The following ZFHX3 variants were observed in gnomAD, a reference collection of about 807,000 sequenced individuals.
The protein encoded by ZFHX3 is zinc finger homeobox protein 3.
In ZFHX3, 42 loss-of-function variants were observed where a neutral mutation model predicts 279.1. The ratio of observed to expected loss-of-function variants is 0.15; its 90% CI spans 0.12 to 0.19. The LOEUF (loss-of-function observed/expected upper bound fraction) is 0.19, where lower values mean the gene tolerates loss of function less well. Among genes scored for constraint, ZFHX3 ranks in the 10% least tolerant of loss-of-function variants. The pLI is 1.00. For synonymous variants in ZFHX3, 2,293 were observed against 1,957.8 expected (o/e 1.17, Z -4.52); for missense variants, 4,981 against 4,754.0 (o/e 1.05, Z -1.40).
chr16:72,871,832 T>C (rs1347210269), intron 4 of ZFHX3, among the ~76,000 whole-genome samples: 1 of 151,890 alleles, frequency 6.6e-6, no homozygotes, highest in East Asian at 2.0e-4. Flanking sequence ...ACGCCTGTAA[T>C]CCCAACACTT....
chr16:73,063,182 G>C (rs747376072), upstream of ZFHX3, among the ~76,000 whole-genome samples: 1 of 152,210 alleles, frequency 6.6e-6, no homozygotes, highest in African/African-American at 2.4e-5. Context: ...GCCTCTGCGC[G>C]CGCGGGGAGG....
intron 1 of ZFHX3, among the ~76,000 whole-genome samples, chr16:73,032,067 G>A (rs1473431672): frequency 2.0e-5 from 3 of 152,206 alleles, no homozygotes; most frequent in Admixed American, 6.5e-5. Flanking sequence ...TAGGCTGGGC[G>A]CAGTGGCTCA....
At chr16:73,717,540 A>G (rs1295834134) in intron 1 of ZFHX3, among the ~76,000 whole-genome samples, 2 of 152,108 alleles carry the variant, frequency 1.3e-5, no homozygotes, top group Admixed American at 1.3e-4. Flanking sequence ...AAACTACACT[A>G]AATGCATTTT....
chr16:73,348,693 T>C (rs1163223292), intron 3 of ZFHX3, among the ~76,000 whole-genome samples: 1 of 152,224 alleles, frequency 6.6e-6, no homozygotes, highest in East Asian at 1.9e-4. Flanking sequence ...ACTCACACGT[T>C]CTTTGCACTG....
upstream of ZFHX3, among the ~76,000 whole-genome samples, chr16:73,050,486 T>A (rs1965429787): frequency 6.6e-6 from 1 of 152,240 alleles, no homozygotes; most frequent in African/African-American, 2.4e-5. Context: ...ATGGCCTCTG[T>A]ACATTATGGA....
intron 1 of ZFHX3, among the ~76,000 whole-genome samples, chr16:72,969,915 C>G (rs768631594): frequency 2.6e-5 from 4 of 152,248 alleles, no homozygotes; most frequent in Non-Finnish European, 4.4e-5. Context: ...TCGGAGAACA[C>G]ACAGGTGCTT....
At chr16:73,587,728 T>C (rs77721373) in intron 2 of ZFHX3, among the ~76,000 whole-genome samples, 3,481 of 152,300 alleles carry the variant, frequency 0.023, 81 homozygotes, top group South Asian at 0.036. Flanking sequence ...AGAGTTTGAG[T>C]AATTTATAGT....
At chr16:73,361,567 T>A (rs548221962) in intron 3 of ZFHX3, among the ~76,000 whole-genome samples, 1 of 152,328 alleles carries the variant, frequency 6.6e-6, no homozygotes, top group African/African-American at 2.4e-5. Flanking sequence ...TAATTTTCAA[T>A]TACACAAAAT....
chr16:73,312,055 G>A (rs2015341191), intron 4 of ZFHX3, among the ~76,000 whole-genome samples: 1 of 152,222 alleles, frequency 6.6e-6, no homozygotes, highest in Non-Finnish European at 1.5e-5. Flanking sequence ...GCAGTGGTGT[G>A]TGACGTATTT....
chr16:73,779,140 C>T (rs1337372884), intron 1 of ZFHX3, among the ~76,000 whole-genome samples: 1 of 152,158 alleles, frequency 6.6e-6, no homozygotes, highest in Non-Finnish European at 1.5e-5. Context: ...CAGAAACCAG[C>T]ATATGGCTAT....
intron 2 of ZFHX3, among the ~76,000 whole-genome samples, chr16:73,473,061 C>T (rs1215946664): frequency 6.7e-6 from 1 of 150,312 alleles, no homozygotes; most frequent in East Asian, 2.0e-4. Context: ...ATAAGATGGG[C>T]TGGGCACAGT....
intron 1 of ZFHX3, among the ~76,000 whole-genome samples, chr16:73,698,573 A>T (rs1257031642): frequency 1.3e-5 from 2 of 152,208 alleles, no homozygotes; most frequent in Non-Finnish European, 2.9e-5. Context: ...TCATCATATG[A>T]TAGGCTAAGA....
At chr16:73,347,151 C>T (rs1279267904) in intron 3 of ZFHX3, among the ~76,000 whole-genome samples, 2 of 152,220 alleles carry the variant, frequency 1.3e-5, no homozygotes, top group Non-Finnish European at 2.9e-5. Flanking sequence ...ACTGCAAAGT[C>T]TATGTTTACA....
At chr16:73,316,201 T>C (rs1041126061) in intron 4 of ZFHX3, among the ~76,000 whole-genome samples, 3 of 152,206 alleles carry the variant, frequency 2.0e-5, no homozygotes, top group African/African-American at 7.2e-5. Context: ...TGCATATCTC[T>C]ATCTTGCAGT....
At chr16:73,261,714 T>C (rs1951834250) in intron 4 of ZFHX3, among the ~76,000 whole-genome samples, 1 of 146,606 alleles carries the variant, frequency 6.8e-6, no homozygotes, top group South Asian at 2.3e-4. Context: ...TCACTCTTGT[T>C]GCCCAGGCTG....
chr16:72,902,051 G>A (rs567930102), intron 3 of ZFHX3, among the ~76,000 whole-genome samples: 1 of 152,284 alleles, frequency 6.6e-6, no homozygotes, highest in African/African-American at 2.4e-5. Context: ...TTTAAATAAT[G>A]CAATAATTAT....
At chr16:73,476,628 T>C (rs1424012) in intron 2 of ZFHX3, among the ~76,000 whole-genome samples, 13,741 of 152,256 alleles carry the variant, frequency 0.09, 951 homozygotes, top group Admixed American at 0.24. Context: ...CTGTGAATTA[T>C]ATGAACACCA....
At chr16:73,385,503 T>G (rs2016885182) in intron 3 of ZFHX3, among the ~76,000 whole-genome samples, 1 of 152,054 alleles carries the variant, frequency 6.6e-6, no homozygotes, top group Non-Finnish European at 1.5e-5. Flanking sequence ...TGCAACCAGC[T>G]CATGTCAAAA....
intron 1 of ZFHX3, among the ~76,000 whole-genome samples, chr16:73,033,214 C>T (rs2144681315): frequency 6.6e-6 from 1 of 152,272 alleles, no homozygotes; most frequent in East Asian, 1.9e-4. Context: ...AGCACCCCCA[C>T]ATAACCCACC....
Sources: allele counts gnomAD v4.1 joint callset (sites outside exome capture counted in the v4.1 genomes callset), GRCh38; gene constraint gnomAD v4.1.1; transcripts MANE v1.5; gene names NCBI Gene and HGNC (gene_info 2026-07-23, HGNC 2026-07-21).